BCAS3: variants seen among roughly 807,000 people sequenced by gnomAD.
The protein encoded by BCAS3 is BCAS4/BCAS3 fusion.
A neutral mutation model predicts 116.1 loss-of-function variants in BCAS3; 53 were observed. That is an observed-to-expected ratio of 0.46 (90% CI 0.37 to 0.57). BCAS3 has a LOEUF of 0.57. BCAS3 is among the 20% of genes least tolerant of loss of function. The pLI is 0.00. For missense variants in BCAS3, 917 were observed against 1,165.4 expected (o/e 0.79, Z 3.10); for synonymous variants, 391 against 408.2 (o/e 0.96, Z 0.51).
At chr17:60,910,375 C>T (rs1247684231) in intron 11 of BCAS3, among the ~76,000 whole-genome samples, 157 bp from the exon 12 acceptor site, 1 of 152,072 alleles carries the variant, frequency 6.6e-6, no homozygotes, top group African/African-American at 2.4e-5. Context: ...AATTCAAGAT[C>T]ATTAAAAGTC....
intron 22 of BCAS3, among the ~76,000 whole-genome samples, chr17:61,127,730 T>C (rs1473383541): frequency 1.3e-5 from 2 of 148,990 alleles, no homozygotes; most frequent in Non-Finnish European, 3.0e-5. Flanking sequence ...ATAATGTCTG[T>C]CATCATTGGT....
chr17:61,137,014 TA>T lies in BCAS3; in HGVS notation c.2425+52457del, dbSNP rs556078281. Reference sequence around the variant, plus strand: ...GAATTACATTTCAATAAAACTTTTTTAAAAAAAGTATTGGTTTACTATTAGT... The same window carrying T: ...GAATTACATTTCAATAAAACTTTTTTAAAAAAGTATTGGTTTACTATTAGT... On this transcript the variant is annotated intron_variant, in intron 22 of 23. Transcript: ENST00000407086. Among the ~76,000 whole-genome samples the T allele has an allele frequency of 5.5e-3, 832 of 152,290 alleles. 8 individuals carry two copies. The highest frequency in any genetic ancestry group is 0.019 in the African/African-American group (788 of 41,580).
chr17:61,108,110 A>G (rs1029699216), intron 22 of BCAS3, among the ~76,000 whole-genome samples: 1 of 152,094 alleles, frequency 6.6e-6, no homozygotes, highest in Non-Finnish European at 1.5e-5. Flanking sequence ...TTTTTAGTGC[A>G]TGCGCATCTC....
Position 61,339,219 on chromosome 17 carries a change from A to T in BCAS3, c.2426-29108A>T, listed in dbSNP as rs2056963900. ...CCTGATTCTGACAGTGGCAGGCGCC[A>T]CTTGCCCTTGGTCGGTTTTACTCCC... is the stretch of plus-strand genomic sequence containing the variant. On this transcript the variant is annotated intron_variant, in intron 22 of 23. Coordinates refer to ENST00000407086, the MANE Select transcript of BCAS3 (RefSeq NM_017679.5). This position sits in a 1 kb window ranked among gnomAD's most constrained non-coding sequence, Gnocchi z 4.4. 6.6e-6 allele frequency among the ~76,000 whole-genome samples: 1 copy of T among 152,152 alleles called. No homozygotes were observed. The highest frequency in any genetic ancestry group is 1.5e-5 in the Non-Finnish European group (1 of 68,022).
chr17:61,250,948 T>C (rs2048326208), intron 22 of BCAS3, among the ~76,000 whole-genome samples: 1 of 152,234 alleles, frequency 6.6e-6, no homozygotes, highest in Non-Finnish European at 1.5e-5. Flanking sequence ...GTACTTCACA[T>C]GAGCGGGAGG....
At chr17:61,046,071 TA>T (rs1421612211) in intron 19 of BCAS3, among the ~76,000 whole-genome samples, 1 of 29,990 alleles carries the variant, frequency 3.3e-5, no homozygotes, top group Non-Finnish European at 4.9e-5. Flanking sequence ...ATATATATAA[TA>T]TATATATATT....
In BCAS3 at chr17:61,106,343, T is replaced by C. The variant is rs1030444635; in HGVS notation, c.2425+21779T>C. Reference sequence around the variant, plus strand: ...CCAGATTTTTACTGTACCTTTTCTATGTTTAGATACACAAATACTGACCAT... The same window carrying C: ...CCAGATTTTTACTGTACCTTTTCTACGTTTAGATACACAAATACTGACCAT... On this transcript the variant is annotated intron_variant, in intron 22 of 23. Transcript: ENST00000407086. This position sits in a 1 kb window ranked among gnomAD's most constrained non-coding sequence, Gnocchi z 4.2. 6.6e-6 allele frequency among the ~76,000 whole-genome samples: 1 copy of C among 152,250 alleles called. No individual in the cohort carries two copies. The highest frequency in any genetic ancestry group is 1.5e-5 in the Non-Finnish European group (1 of 68,040).
intron 22 of BCAS3, among the ~76,000 whole-genome samples, chr17:61,157,989 C>T (rs1053886763): frequency 1.3e-5 from 2 of 152,108 alleles, no homozygotes; most frequent in Non-Finnish European, 2.9e-5. Flanking sequence ...TCTCTTCTTT[C>T]CTTATTCTTT....
intron 5 of BCAS3, among the ~76,000 whole-genome samples, chr17:60,728,123 A>G (rs1030286422): frequency 3.9e-5 from 6 of 151,914 alleles, no homozygotes; most frequent in African/African-American, 7.3e-5. Context: ...TTTTGGTGGT[A>G]TACTTTCTAT....
chr17:60,996,570 G>T (rs1489733821), intron 15 of BCAS3, among the ~76,000 whole-genome samples: 1 of 152,178 alleles, frequency 6.6e-6, no homozygotes, highest in Admixed American at 6.5e-5. Flanking sequence ...TTTTGGACAT[G>T]TTAAGTTTAA....
intron 6 of BCAS3, among the ~76,000 whole-genome samples, chr17:60,770,152 C>A (rs535975510): frequency 6.6e-6 from 1 of 152,210 alleles, no homozygotes; most frequent in South Asian, 2.1e-4. Context: ...TCTCTCTCTG[C>A]AGCAATGCTT....
chr17:61,181,665 G>A lies in BCAS3; in HGVS notation c.2425+97101G>A, dbSNP rs1001587983. The stretch of plus-strand genomic sequence containing the variant: ...GAAGATATTTTGCTTCTGTTACTCT[G>A]ATCATCTACATATAGAGATACACTG... On this transcript the variant is annotated intron_variant, in intron 22 of 23. Transcript: ENST00000407086. This position sits in a 1 kb window ranked among gnomAD's most constrained non-coding sequence, Gnocchi z 5.0. Among the ~76,000 whole-genome samples, 1 of 152,140 alleles carries A rather than the reference G, an allele frequency of 6.6e-6. No individual in the cohort carries two copies. Among genetic ancestry groups the A allele is most frequent in the Non-Finnish European group, 1.5e-5 (1 of 68,010 alleles).
intron 7 of BCAS3, among the ~76,000 whole-genome samples, chr17:60,837,221 T>G (rs1825500381): frequency 6.6e-6 from 1 of 152,200 alleles, no homozygotes; most frequent in South Asian, 2.1e-4. Context: ...TAAATAGATG[T>G]AACAAAAGAT....
In BCAS3 at chr17:60,998,916, G is replaced by C. The variant is rs568864472; in HGVS notation, c.1486+8681G>C. 2.0e-5 allele frequency among the ~76,000 whole-genome samples: 3 copies of C among 152,042 alleles called. No individual in the cohort carries two copies. In the South Asian group the frequency reaches 6.2e-4, roughly 32 times the overall value. ...GCCAGTGTCCAGAAGAGTTTTTCCT[G>C]GGTTTTCTTCTAGAATTTTTATAGT... On this transcript the variant is annotated intron_variant, in intron 15 of 23. Transcript: ENST00000407086.
intron 5 of BCAS3, among the ~76,000 whole-genome samples, chr17:60,717,230 T>C (rs1229778697): frequency 6.6e-6 from 1 of 151,224 alleles, no homozygotes; most frequent in Non-Finnish European, 1.5e-5. Context: ...TTTTTTTTTT[T>C]TGTGAGACAG....
At chr17:60,762,011 G>A (rs371470409) in intron 6 of BCAS3, among the ~76,000 whole-genome samples, 169 of 152,216 alleles carry the variant, frequency 1.1e-3, no homozygotes, top group Non-Finnish European at 1.4e-3. Flanking sequence ...CTTCTTTTGA[G>A]AAGGGTCTGT....
rs552394456 is a variant in BCAS3 at position 61,348,225 on chromosome 17, C to T, written c.2426-20102C>T. 9.9e-5 allele frequency among the ~76,000 whole-genome samples: 15 copies of T among 152,146 alleles called. No homozygotes were observed. Among genetic ancestry groups the T allele is most frequent in the African/African-American group, 3.6e-4 (15 of 41,518 alleles). On this transcript the variant is annotated intron_variant, in intron 22 of 23. Transcript: ENST00000407086. This position sits in a 1 kb window ranked among gnomAD's most constrained non-coding sequence, Gnocchi z 4.5. The stretch of plus-strand genomic sequence containing the variant: ...CTGGATGGACGGGCGATGTTTGGGC[C>T]AATGAGAAGATGGTGTTGCCACCCA...
chr17:60,958,506 T>G (rs943517152), intron 14 of BCAS3, among the ~76,000 whole-genome samples: 4 of 152,176 alleles, frequency 2.6e-5, no homozygotes, highest in African/African-American at 7.2e-5. Context: ...TAAGCAAGAC[T>G]TGTACTCTGA....
chr17:61,271,203 C>T lies in BCAS3; in HGVS notation c.2426-97124C>T, dbSNP rs2050216929. On this transcript the variant is annotated intron_variant, in intron 22 of 23. Transcript: ENST00000407086. The stretch of plus-strand genomic sequence containing the variant: ...AGTACAGTGGCACCATCTCGGTTCA[C>T]TGCAACCTCTGCCTCCTGGGTTCAA... Among the ~76,000 whole-genome samples the T allele has an allele frequency of 4.8e-5, 7 of 145,120 alleles. No homozygotes were observed. In the South Asian group the frequency reaches 1.6e-3, roughly 33 times the overall value.
Sources: gnomAD v4.1 joint callset for allele counts (sites outside exome capture counted in the v4.1 genomes callset) on GRCh38, gnomAD v4.1.1 for gene constraint, Gnocchi (gnomAD v3.1) non-coding constraint, MANE v1.5 for transcripts, NCBI Gene and HGNC (gene_info 2026-07-23, HGNC 2026-07-21) for gene names.